The following GAS7 variants were observed in gnomAD, a reference collection of about 807,000 sequenced individuals.
GAS7 encodes growth arrest specific 7.
A neutral mutation model predicts 71.1 loss-of-function variants in GAS7; 28 were observed. The ratio of observed to expected loss-of-function variants is 0.39; its 90% CI spans 0.29 to 0.54. The LOEUF is 0.54. Among genes scored for constraint, GAS7 ranks in the 20% least tolerant of loss-of-function variants. The probability of loss-of-function intolerance (pLI) is 0.62; values close to 1 mark genes in which losing one functional copy is unlikely to be tolerated. For synonymous variants in GAS7, 258 were observed against 245.8 expected, an observed-to-expected ratio of 1.05 and a Z score of -0.46; for missense variants, 436 against 627.8, an observed-to-expected ratio of 0.69 and a Z score of 3.27.
At chr17:10,056,937 G>A (rs369019277) in intron 1 of GAS7, among the ~76,000 whole-genome samples, 7 of 151,830 alleles carry the variant, frequency 4.6e-5, no homozygotes, top group East Asian at 3.9e-4. Flanking sequence ...TTGCAGGCGC[G>A]CGCCACCACG....
chr17:10,051,745 T>C (rs1015923051), intron 1 of GAS7, among the ~76,000 whole-genome samples: 16 of 152,084 alleles, frequency 1.1e-4, no homozygotes, highest in African/African-American at 3.9e-4. Flanking sequence ...TGTGCCTTCA[T>C]TTGAACATGG....
intron 2 of GAS7, among the ~76,000 whole-genome samples, chr17:10,014,774 T>C (rs529773327): frequency 4.6e-5 from 7 of 152,296 alleles, no homozygotes; most frequent in African/African-American, 1.4e-4. Context: ...AGACAGCATC[T>C]AGTTTGATTT....
At chr17:10,160,366 T>C (rs1478038510) in intron 1 of GAS7, among the ~76,000 whole-genome samples, 2 of 152,174 alleles carry the variant, frequency 1.3e-5, no homozygotes, top group Non-Finnish European at 2.9e-5. Flanking sequence ...TACTGCCCAT[T>C]TAAAACACAG....
intron 1 of GAS7, among the ~76,000 whole-genome samples, chr17:10,094,256 A>G (rs1403013899): frequency 1.3e-5 from 2 of 152,184 alleles, no homozygotes; most frequent in African/African-American, 4.8e-5. Context: ...TACTTAGCAG[A>G]GAGAAAACAC....
chr17:10,196,784 A>G (rs1002463013), intron 1 of GAS7, among the ~76,000 whole-genome samples: 4 of 152,224 alleles, frequency 2.6e-5, no homozygotes, highest in African/African-American at 9.6e-5. Flanking sequence ...CAGGGCTTCA[A>G]GCTAGAAACA....
At chr17:9,925,875 A>G in intron 10 of GAS7, among the ~76,000 whole-genome samples, 1 of 152,170 alleles carries the variant, frequency 6.6e-6, no homozygotes, top group East Asian at 1.9e-4. Flanking sequence ...GCCTGTACAA[A>G]GACTGGGGAC....
intron 1 of GAS7, among the ~76,000 whole-genome samples, chr17:10,060,932 G>T (rs1406083559): frequency 6.6e-6 from 1 of 152,160 alleles, no homozygotes; most frequent in Non-Finnish European, 1.5e-5. Context: ...AGGTGGGAGA[G>T]GCTGAGTGAG....
intron 1 of GAS7, among the ~76,000 whole-genome samples, chr17:10,076,107 G>A (rs1291382929): frequency 1.4e-5 from 2 of 143,630 alleles, no homozygotes; most frequent in East Asian, 4.1e-4. Context: ...GAAAGTGGAG[G>A]GGAAGGAGAG....
At chr17:9,977,324 A>G (rs978287542) in intron 3 of GAS7, among the ~76,000 whole-genome samples, 4 of 152,244 alleles carry the variant, frequency 2.6e-5, no homozygotes, top group African/African-American at 9.6e-5. Context: ...ATACTGTCAC[A>G]GAGGGTTCTA....
chr17:10,062,102 C>T (rs924249392), intron 1 of GAS7, among the ~76,000 whole-genome samples: 11 of 152,332 alleles, frequency 7.2e-5, no homozygotes, highest in South Asian at 2.1e-4. Context: ...TGCATGTCCA[C>T]GGAGGGATCA....
intron 1 of GAS7, among the ~76,000 whole-genome samples, chr17:10,073,900 C>T (rs2073365946): frequency 1.3e-5 from 2 of 152,238 alleles, no homozygotes; most frequent in Non-Finnish European, 2.9e-5. Context: ...GCCATTGAGC[C>T]TGGCAGAGTA....
intron 1 of GAS7, among the ~76,000 whole-genome samples, chr17:10,029,736 C>T (rs2072563646): frequency 1.3e-5 from 2 of 151,938 alleles, no homozygotes; most frequent in Non-Finnish European, 2.9e-5. Context: ...CCTTTAGTCC[C>T]AGCTACTAGG....
intron 5 of GAS7, among the ~76,000 whole-genome samples, chr17:9,949,533 G>A (rs1312620951): frequency 6.6e-6 from 1 of 152,142 alleles, no homozygotes; most frequent in African/African-American, 2.4e-5. Context: ...CTCCCCAGCT[G>A]CCAGGGCACA....
intron 1 of GAS7, among the ~76,000 whole-genome samples, chr17:10,098,878 C>T (rs1039883561): frequency 6.6e-6 from 1 of 152,172 alleles, no homozygotes; most frequent in Non-Finnish European, 1.5e-5. Flanking sequence ...ATGGCGTGAA[C>T]CCGGTAGGCG....
At position 10,171,645 on chromosome 17, in the gene GAS7, A is replaced by G. The variant is rs1425822045; in HGVS notation, c.183+26563T>C. Among the ~76,000 whole-genome samples the G allele has an allele frequency of 2.0e-5, 3 of 152,184 alleles. No homozygotes were observed. The East Asian group carries it at 5.8e-4, about 29-fold the overall frequency. ...CATCTCCCTAAATAATCACAGCCAC[A>G]TGCTTCTTATCTGCCATAAAAACCA... On this transcript the variant is annotated intron_variant, in intron 1 of 13. Coordinates refer to ENST00000432992, the MANE Select transcript of GAS7 (RefSeq NM_201433.2).
Position 10,025,840 on chromosome 17 carries a change from G to GA in GAS7, c.184-5944dup, listed in dbSNP as rs1273277591. Among the ~76,000 whole-genome samples the GA allele has an allele frequency of 5.3e-5, 8 of 152,220 alleles. 1 individual carries two copies. Among genetic ancestry groups the GA allele is most frequent in the Admixed American group, 6.5e-5 (1 of 15,292 alleles). On this transcript the variant is annotated intron_variant, in intron 1 of 13. Coordinates refer to ENST00000432992, the MANE Select transcript of GAS7 (RefSeq NM_201433.2). ...TTGCAGCATTAGAGGCAGCAACTGA[G>GA]AAAAAACATCACTTCTGAAATGAAA...
At position 10,103,862 on chromosome 17, in the gene GAS7, A is replaced by G. The variant is rs905325674; in HGVS notation, c.184-83965T>C. 2.7e-5 allele frequency among the ~76,000 whole-genome samples: 4 copies of G among 150,626 alleles called. No homozygotes were observed. Among genetic ancestry groups the G allele is most frequent in the Admixed American group, 6.6e-5 (1 of 15,098 alleles). On this transcript the variant is annotated intron_variant, in intron 1 of 13. Coordinates refer to ENST00000432992, the MANE Select transcript of GAS7 (RefSeq NM_201433.2). This position sits in a 1 kb window ranked among gnomAD's most constrained non-coding sequence, Gnocchi z 5.5. Reference sequence around the variant, plus strand: ...AAAAAAAAAAAAAAGAAGCAAACCCATAGAACCCATAGTAGCTGCTCATCA... The same window carrying G: ...AAAAAAAAAAAAAAGAAGCAAACCCGTAGAACCCATAGTAGCTGCTCATCA...
intron 1 of GAS7, among the ~76,000 whole-genome samples, chr17:10,183,324 C>T (rs1396107239): frequency 2.0e-5 from 3 of 152,106 alleles, no homozygotes; most frequent in Non-Finnish European, 4.4e-5. Flanking sequence ...TGCAGTACGA[C>T]CTCAGAGAGG....
intron 1 of GAS7, among the ~76,000 whole-genome samples, chr17:10,163,774 A>T (rs2074273273): frequency 6.6e-6 from 1 of 151,994 alleles, no homozygotes; most frequent in African/African-American, 2.4e-5. Context: ...GTTAGAGCTC[A>T]TGTTGAGTTA....
Sources: gnomAD v4.1 joint callset for allele counts (sites outside exome capture counted in the v4.1 genomes callset) on GRCh38, gnomAD v4.1.1 for gene constraint, Gnocchi (gnomAD v3.1) non-coding constraint, MANE v1.5 for transcripts, NCBI Gene and HGNC (gene_info 2026-07-23, HGNC 2026-07-21) for gene names.